The following GALNTL6 variants were observed in gnomAD, a reference collection of about 807,000 sequenced individuals.
GALNTL6 encodes the protein polypeptide N-acetylgalactosaminyltransferase like 6.
In GALNTL6, 46 loss-of-function variants were observed where a neutral mutation model predicts 73.7. The ratio of observed to expected loss-of-function variants is 0.62; its 90% CI spans 0.49 to 0.80. The LOEUF is 0.80. Ranked by LOEUF, GALNTL6 falls within the 30% of genes least tolerant of loss-of-function variation. The pLI is 0.00. For missense variants in GALNTL6, 604 were observed against 755.0 expected (o/e 0.80, Z 2.34); for synonymous variants, 259 against 263.7 (o/e 0.98, Z 0.17).
chr4:172,178,868 A>C (rs565756379), intron 2 of GALNTL6, among the ~76,000 whole-genome samples: 5,684 of 111,412 alleles, frequency 0.051, 192 homozygotes, highest in African/African-American at 0.13. Flanking sequence ...ATGTGATCTC[A>C]TTGTTCAATT....
chr4:172,103,166 G>A (rs980082822), intron 2 of GALNTL6, among the ~76,000 whole-genome samples: 1 of 152,170 alleles, frequency 6.6e-6, no homozygotes, highest in African/African-American at 2.4e-5. Flanking sequence ...GTGGTATGGG[G>A]AGGCCAGCTT....
intron 2 of GALNTL6, among the ~76,000 whole-genome samples, chr4:171,994,425 C>T (rs1740426708): frequency 6.6e-6 from 1 of 152,028 alleles, no homozygotes; most frequent in African/African-American, 2.4e-5. Context: ...CTAGCTAGAT[C>T]AGAGCTGTGT....
intron 10 of GALNTL6, among the ~76,000 whole-genome samples, chr4:172,965,630 A>C (rs2610213): frequency 0.026 from 3,897 of 151,814 alleles, 182 homozygotes; most frequent in African/African-American, 0.088. Flanking sequence ...AAAAAAAAAA[A>C]ACAATTTTAA....
intron 7 of GALNTL6, among the ~76,000 whole-genome samples, chr4:172,821,591 A>T (rs1446761806): frequency 1.3e-5 from 2 of 152,202 alleles, no homozygotes; most frequent in African/African-American, 4.8e-5. Context: ...TAATGAAGGG[A>T]AATGTCAACA....
At chr4:172,451,331 C>G (rs531095153) in intron 5 of GALNTL6, among the ~76,000 whole-genome samples, 1 of 152,172 alleles carries the variant, frequency 6.6e-6, no homozygotes, top group Non-Finnish European at 1.5e-5. Flanking sequence ...AATTTGACTA[C>G]GGGTTTCCCA....
chr4:172,220,562 T>A (rs1469835235), intron 2 of GALNTL6, among the ~76,000 whole-genome samples: 1 of 151,840 alleles, frequency 6.6e-6, no homozygotes, highest in East Asian at 1.9e-4. Flanking sequence ...GTGATACTCC[T>A]GAAGAAAAAG....
At chr4:171,955,394 A>G (rs199995229) in intron 2 of GALNTL6, among the ~76,000 whole-genome samples, 2 of 143,574 alleles carry the variant, frequency 1.4e-5, no homozygotes, top group African/African-American at 5.0e-5. Context: ...ATATATATAT[A>G]TGTTTACACA....
chr4:172,874,808 A>C (rs551941250), intron 7 of GALNTL6, among the ~76,000 whole-genome samples: 1 of 152,344 alleles, frequency 6.6e-6, no homozygotes, highest in African/African-American at 2.4e-5. Flanking sequence ...GGTGAATTTC[A>C]AAAGAGAAAG....
Position 172,014,872 on chromosome 4 carries a change from C to T in GALNTL6, c.138+200154C>T, listed in dbSNP as rs868349849. 7.2e-5 allele frequency among the ~76,000 whole-genome samples: 11 copies of T among 152,026 alleles called. 1 individual carries two copies. Among genetic ancestry groups the T allele is most frequent in the South Asian group, 6.2e-4 (3 of 4,816 alleles). Reference sequence around the variant, plus strand: ...TTTGTATAGTTTCGAAGGTTCCATTCGGAGTGAATTTCCAGTTTTATTCCA... The same window carrying T: ...TTTGTATAGTTTCGAAGGTTCCATTTGGAGTGAATTTCCAGTTTTATTCCA... On this transcript the variant is annotated intron_variant, in intron 2 of 12. Coordinates refer to ENST00000506823, the MANE Select transcript of GALNTL6 (RefSeq NM_001034845.3).
At chr4:172,958,229 C>A (rs531693726) in intron 10 of GALNTL6, among the ~76,000 whole-genome samples, 1 of 152,334 alleles carries the variant, frequency 6.6e-6, no homozygotes, top group Admixed American at 6.5e-5. Flanking sequence ...AGTATTAGGG[C>A]AGCATCAGCC....
At chr4:173,031,756 A>T (rs1753470377) in intron 12 of GALNTL6, among the ~76,000 whole-genome samples, 1 of 152,206 alleles carries the variant, frequency 6.6e-6, no homozygotes, top group Non-Finnish European at 1.5e-5. Context: ...CTAAAGAGAT[A>T]TGGATAGACG....
intron 7 of GALNTL6, among the ~76,000 whole-genome samples, chr4:172,842,269 C>A (rs1743254017): frequency 6.6e-6 from 1 of 152,152 alleles, no homozygotes; most frequent in Non-Finnish European, 1.5e-5. Flanking sequence ...TTCATTGTGC[C>A]ACCTTAGCCA....
intron 2 of GALNTL6, among the ~76,000 whole-genome samples, chr4:172,130,811 AAATAT>A (rs141850314): frequency 0.44 from 67,061 of 151,400 alleles, 15,457 homozygotes; most frequent in African/African-American, 0.56. Context: ...TCTCAAATAG[AAATAT>A]AATATAATTA....
intron 5 of GALNTL6, among the ~76,000 whole-genome samples, chr4:172,428,398 A>G (rs547775354): frequency 2.6e-5 from 4 of 152,336 alleles, no homozygotes; most frequent in Admixed American, 6.5e-5. Context: ...TGAAGAGTCC[A>G]TAAAATCTCC....
intron 11 of GALNTL6, among the ~76,000 whole-genome samples, chr4:173,020,696 T>G (rs968869664): frequency 6.6e-6 from 1 of 152,238 alleles, no homozygotes; most frequent in Non-Finnish European, 1.5e-5. Flanking sequence ...TCTTTGTCTC[T>G]TTAGCTAATC....
At chr4:172,992,946 A>G (rs1751604224) in intron 10 of GALNTL6, among the ~76,000 whole-genome samples, 1 of 152,150 alleles carries the variant, frequency 6.6e-6, no homozygotes, top group African/African-American at 2.4e-5. Context: ...AGTTCACCCT[A>G]CCCCTAAGAA....
chr4:172,949,016 T>G (rs928059698), intron 9 of GALNTL6, among the ~76,000 whole-genome samples: 1 of 152,218 alleles, frequency 6.6e-6, no homozygotes, highest in Non-Finnish European at 1.5e-5. Flanking sequence ...AGTTCCTCTA[T>G]GAGTTTTGCA....
chr4:172,115,687 A>G (rs1732966926), intron 2 of GALNTL6, among the ~76,000 whole-genome samples: 1 of 152,102 alleles, frequency 6.6e-6, no homozygotes, highest in Non-Finnish European at 1.5e-5. Flanking sequence ...ATGACATGGA[A>G]TTTATGTGGC....
At chr4:172,638,775 A>G (rs778999049) in intron 5 of GALNTL6, among the ~76,000 whole-genome samples, 7 of 152,142 alleles carry the variant, frequency 4.6e-5, no homozygotes, top group Non-Finnish European at 7.4e-5. Context: ...ATTTTTTACT[A>G]TGGAATTTAA....
Sources: allele counts gnomAD v4.1 joint callset (sites outside exome capture counted in the v4.1 genomes callset), GRCh38; gene constraint gnomAD v4.1.1; transcripts MANE v1.5; gene names NCBI Gene and HGNC (gene_info 2026-07-23, HGNC 2026-07-21).